The following RAB11A variants were observed in gnomAD, a reference collection of about 807,000 sequenced individuals.
The protein encoded by RAB11A is RAB11A, member RAS oncogene family.
In RAB11A, 9 loss-of-function variants were observed where a neutral mutation model predicts 28.0. That is an observed-to-expected ratio of 0.32 (90% CI 0.19 to 0.56). The LOEUF (loss-of-function observed/expected upper bound fraction) is 0.56, where lower values mean the gene tolerates loss of function less well. Ranked by LOEUF, RAB11A falls within the 20% of genes least tolerant of loss-of-function variation. RAB11A has a pLI of 0.91. For missense variants in RAB11A, 108 were observed against 269.6 expected (o/e 0.40, Z 4.20); for synonymous variants, 85 against 88.2 (o/e 0.96, Z 0.20).
intron 1 of RAB11A, among the ~76,000 whole-genome samples, chr15:65,875,683 T>G (rs778759785): frequency 1.3e-5 from 2 of 152,216 alleles, no homozygotes; most frequent in Non-Finnish European, 1.5e-5. Context: ...GCCAGAAAGA[T>G]ATGCATTTGA....
intron 1 of RAB11A, among the ~76,000 whole-genome samples, chr15:65,875,447 T>C (rs928300699): frequency 6.6e-6 from 1 of 152,208 alleles, no homozygotes; most frequent in Admixed American, 6.5e-5. Context: ...CCTTGGAAAC[T>C]AGTATATCAA....
chr15:65,885,425 C>A (rs1385680084), intron 4 of RAB11A, among the ~76,000 whole-genome samples: 1 of 151,984 alleles, frequency 6.6e-6, no homozygotes, highest in Admixed American at 6.5e-5. Flanking sequence ...CTCGCTTGGC[C>A]CATTTATACA....
intron 1 of RAB11A, among the ~76,000 whole-genome samples, chr15:65,872,081 G>A (rs1420699937): frequency 6.6e-6 from 1 of 151,758 alleles, no homozygotes; most frequent in African/African-American, 2.4e-5. Context: ...GCTCCTAGGA[G>A]TAGCTGAGAC....
At chr15:65,869,725 C>T (rs1466366468) in intron 1 of RAB11A, 100 bp downstream of exon 1, 1 of 1,233,726 alleles carries the variant, frequency 8.1e-7, no homozygotes, top group South Asian at 1.5e-5. Flanking sequence ...TGATATAGGC[C>T]TCCCTCAGCC....
At position 65,877,323 on chromosome 15, in the gene RAB11A, T is replaced by C. The variant is rs768095659; in HGVS notation, c.41-9T>C. ...CATTCATCTGACATTGAATTCTTTG[T>C]CTTTCCAGTTGTCCTTATTGGAGAT... On this transcript the variant is annotated splice_polypyrimidine_tract_variant and intron_variant, in intron 1 of 4. Coordinates refer to ENST00000261890, the MANE Select transcript of RAB11A (RefSeq NM_004663.5). The surrounding 1 kb of genome is among the most constrained non-coding windows in gnomAD (Gnocchi z 4.1). 2.5e-5 allele frequency: 40 copies of C among 1,601,894 alleles called. No individual in the cohort carries two copies. The highest frequency in any genetic ancestry group is 3.3e-5 in the Non-Finnish European group (39 of 1,172,060).
intron 1 of RAB11A, among the ~76,000 whole-genome samples, chr15:65,870,536 A>T (rs1054929319): frequency 6.6e-6 from 1 of 152,162 alleles, no homozygotes; most frequent in Non-Finnish European, 1.5e-5. Context: ...GAGGTTGCGG[A>T]TGGGTGGTGG....
chr15:65,891,021 C>A lies in RAB11A; in HGVS notation c.*3181C>A, dbSNP rs2078290617. The A allele has an allele frequency of 6.6e-6, 1 of 152,096 alleles. No homozygotes were observed. Among genetic ancestry groups the A allele is most frequent in the South Asian group, 2.1e-4 (1 of 4,826 alleles). The allele number at this position is 152,096 out of a possible 1,614,324, so 9.4% of individuals were successfully genotyped here. A position where few individuals can be genotyped will look rare whatever the true frequency, so the allele number is the denominator to read the frequency against. Reference sequence around the variant, plus strand: ...AGATTGTGAAAGGATCCTCTTCCACCACATCATTTAATGGGTTAGCGGAAC... The same window carrying A: ...AGATTGTGAAAGGATCCTCTTCCACAACATCATTTAATGGGTTAGCGGAAC... On this transcript the variant is annotated 3_prime_UTR_variant, in exon 5 of 5. Transcript: ENST00000261890.
In RAB11A at chr15:65,881,877, TAA is replaced by T. The variant is rs57352123; in HGVS notation, c.511+2149_511+2150del. On this transcript the variant is annotated intron_variant, in intron 4 of 4. Transcript: ENST00000261890. ...GGGCAACATGGTAAAACCCTGTCTCTAAAAAAAAAAAAAAAAAAAAAAAACAC... is the reference window on the plus strand; with the variant it reads ...GGGCAACATGGTAAAACCCTGTCTCTAAAAAAAAAAAAAAAAAAAAAACAC... Among the ~76,000 whole-genome samples the T allele has an allele frequency of 9.2e-3, 798 of 86,392 alleles. 8 individuals are homozygous for T. The highest frequency in any genetic ancestry group is 0.029 in the African/African-American group (698 of 24,132). 56.7% of individuals were successfully genotyped at this position (86,392 alleles called of 152,430 possible). A position where few individuals can be genotyped will look rare whatever the true frequency, so the allele number is the denominator to read the frequency against.
chr15:65,871,740 A>G (rs1183535887), intron 1 of RAB11A, among the ~76,000 whole-genome samples: 2 of 152,074 alleles, frequency 1.3e-5, no homozygotes, highest in Non-Finnish European at 2.9e-5. Context: ...CAGGTCTTAT[A>G]TTTACTTTAT....
chr15:65,872,030 T>C (rs2078164627), intron 1 of RAB11A, among the ~76,000 whole-genome samples: 1 of 144,692 alleles, frequency 6.9e-6, no homozygotes, highest in South Asian at 2.3e-4. Context: ...CTCCTCAGGC[T>C]CAGGTGACCC....
Position 65,877,540 on chromosome 15 carries a change from G to A in RAB11A, c.236+13G>A. The A allele has an allele frequency of 6.2e-7, 1 of 1,601,148 alleles. No individual in the cohort carries two copies. Among genetic ancestry groups the A allele is most frequent in the Non-Finnish European group, 8.5e-7 (1 of 1,172,154 alleles). Reference sequence around the variant, plus strand: ...CTATAACATCAGCGTAAGTCTCATGGTTTTTAAGTTCTGTGAAATGGGTTG... The same window carrying A: ...CTATAACATCAGCGTAAGTCTCATGATTTTTAAGTTCTGTGAAATGGGTTG... On this transcript the variant is annotated intron_variant, in intron 2 of 4. Coordinates refer to ENST00000261890, the MANE Select transcript of RAB11A (RefSeq NM_004663.5). The surrounding 1 kb of genome is among the most constrained non-coding windows in gnomAD (Gnocchi z 4.1).
intron 1 of RAB11A, among the ~76,000 whole-genome samples, chr15:65,873,716 G>T (rs2078176757): frequency 6.6e-6 from 1 of 151,342 alleles, no homozygotes; most frequent in East Asian, 1.9e-4. Context: ...ACCATGCCTG[G>T]CTATTTTTTT....
rs1567137464 is a variant in RAB11A, at chr15:65,877,962, G to A, written c.430+7G>A. On this transcript the variant is annotated splice_region_variant and intron_variant, in intron 3 of 4. Transcript: ENST00000261890. The surrounding 1 kb of genome is among the most constrained non-coding windows in gnomAD (Gnocchi z 4.1). ...GAAGCAAGAGCTTTTGCAGGTTAGT[G>A]ATAGGAATTCCATGATATTTCTTAC... 3.1e-6 allele frequency: 5 copies of A among 1,606,622 alleles called. No individual in the cohort carries two copies.
chr15:65,881,213 T>G (rs575707087), intron 4 of RAB11A, among the ~76,000 whole-genome samples: 7 of 152,362 alleles, frequency 4.6e-5, no homozygotes, highest in African/African-American at 1.4e-4. Context: ...CACTGCAGAT[T>G]GTTTTAAGCA....
At chr15:65,878,049 A>G (rs751555548) in intron 3 of RAB11A, 94 bp downstream of exon 3, 1 of 1,224,088 alleles carries the variant, frequency 8.2e-7, no homozygotes, top group African/African-American at 1.5e-5. Context: ...AGTTTCAGAG[A>G]GGTAAACATG....
At chr15:65,874,816 C>A in intron 1 of RAB11A, among the ~76,000 whole-genome samples, 1 of 151,908 alleles carries the variant, frequency 6.6e-6, no homozygotes, top group East Asian at 2.0e-4. Context: ...GAGGCCAAAG[C>A]GAGTGGATCT....
chr15:65,880,644 A>G (rs1049217104), intron 4 of RAB11A, among the ~76,000 whole-genome samples: 4 of 152,170 alleles, frequency 2.6e-5, no homozygotes, highest in Non-Finnish European at 5.9e-5. Context: ...TTTAACTTTA[A>G]CATGTTATCT....
At chr15:65,885,260 C>T (rs2078249340) in intron 4 of RAB11A, among the ~76,000 whole-genome samples, 1 of 150,852 alleles carries the variant, frequency 6.6e-6, no homozygotes, top group Admixed American at 6.6e-5. Flanking sequence ...GTAGCTGAGA[C>T]TACAGGCGGG....
rs575853899 is a variant in RAB11A at position 65,871,257 on chromosome 15, A to G, written c.40+1632A>G. 2.6e-5 allele frequency among the ~76,000 whole-genome samples: 4 copies of G among 152,314 alleles called. 1 individual carries two copies. Among genetic ancestry groups the G allele is most frequent in the Admixed American group, 2.0e-4 (3 of 15,298 alleles). ...TTACTCCTCTGACTCAGAATATTCTACTGTATAGGGTGAATACTTTTGGTA... is the reference window on the plus strand; with the variant it reads ...TTACTCCTCTGACTCAGAATATTCTGCTGTATAGGGTGAATACTTTTGGTA... On this transcript the variant is annotated intron_variant, in intron 1 of 4. Coordinates refer to ENST00000261890, the MANE Select transcript of RAB11A (RefSeq NM_004663.5).
Sources: allele counts gnomAD v4.1 joint callset (sites outside exome capture counted in the v4.1 genomes callset), GRCh38; gene constraint gnomAD v4.1.1; non-coding constraint Gnocchi (gnomAD v3.1); transcripts MANE v1.5; gene names NCBI Gene and HGNC (gene_info 2026-07-23, HGNC 2026-07-21).